DNAJC17: variants seen among roughly 807,000 people sequenced by gnomAD.
DNAJC17 encodes dnaJ homolog subfamily C member 17.
Under a neutral mutation model 48.1 loss-of-function variants are expected in DNAJC17, and 35 were observed. The observed-to-expected ratio is 0.73, with a 90% CI of 0.56 to 0.96. The LOEUF (loss-of-function observed/expected upper bound fraction) is 0.96, where lower values mean the gene tolerates loss of function less well. DNAJC17 is among the 50% of genes least tolerant of loss of function. The pLI is 0.00. For synonymous variants in DNAJC17, 117 were observed against 142.7 expected, an observed-to-expected ratio of 0.82 and a Z score of 1.28; for missense variants, 355 against 377.1, an observed-to-expected ratio of 0.94 and a Z score of 0.48.
At chr15:40,780,721 G>A (rs1236826601) in intron 1 of DNAJC17, among the ~76,000 whole-genome samples, 3 of 151,790 alleles carry the variant, frequency 2.0e-5, no homozygotes, top group Non-Finnish European at 4.4e-5. Flanking sequence ...GGCTGAGGCA[G>A]GAGAATCGCT....
intron 1 of DNAJC17, among the ~76,000 whole-genome samples, chr15:40,785,302 A>C (rs962722663): frequency 2.2e-4 from 33 of 152,320 alleles, no homozygotes; most frequent in Middle Eastern, 3.4e-3. Context: ...AAGAAACAAA[A>C]ACAAAATTGT....
In DNAJC17 at chr15:40,776,192, G is replaced by A. The variant is rs1370376922; in HGVS notation, c.478+4C>T. 1.9e-6 allele frequency: 3 copies of A among 1,612,872 alleles called. No homozygotes were observed. The highest frequency in any genetic ancestry group is 4.5e-5 in the East Asian group (2 of 44,890). On this transcript the variant is annotated splice_donor_region_variant and intron_variant, in intron 6 of 10. Transcript: ENST00000220496. ...GGGAGATAGGCGGGGTGATAGACCT[G>A]CACCTCTCAACCTCTGGTCACGCTC... is the stretch of plus-strand genomic sequence containing the variant.
rs1889051193 is a variant in DNAJC17 at position 40,769,289 on chromosome 15, A to G, written c.793-1227T>C. Among the ~76,000 whole-genome samples, 1 of 152,198 alleles carries G rather than the reference A, an allele frequency of 6.6e-6. No homozygotes were observed. Among genetic ancestry groups the G allele is most frequent in the Non-Finnish European group, 1.5e-5 (1 of 68,016 alleles). ...GGACCCCAGAGGAAGCCCGGTAGCC[A>G]GAGGGGAAGGGCTGGAGCACAGCCA... On this transcript the variant is annotated intron_variant, in intron 10 of 10. Transcript: ENST00000220496. This position sits in a 1 kb window ranked among gnomAD's most constrained non-coding sequence, Gnocchi z 4.2.
In DNAJC17 at chr15:40,773,721, C is replaced by G. The variant is rs755451649; in HGVS notation, c.792+6G>C. ...GCGCCCAGCCGGGCGAGGCCTGACT[C>G]CTCACCTTTGACAGTCCTGAGTGGC... On this transcript the variant is annotated splice_donor_region_variant and intron_variant, in intron 10 of 10. Coordinates refer to ENST00000220496, the MANE Select transcript of DNAJC17 (RefSeq NM_018163.3). 1 of 1,611,914 alleles carries G rather than the reference C, an allele frequency of 6.2e-7. No homozygotes were observed. The highest frequency in any genetic ancestry group is 8.5e-7 in the Non-Finnish European group (1 of 1,179,010).
chr15:40,807,148 C>A (rs1483571038), intron 1 of DNAJC17: 2 of 1,165,152 alleles, frequency 1.7e-6, no homozygotes, highest in Non-Finnish European at 2.4e-6. Flanking sequence ...AGAGCACAGC[C>A]ACCCGGCGCG....
rs368691469 is a variant in DNAJC17, at chr15:40,770,755, G to T, written c.793-2693C>A. On this transcript the variant is annotated intron_variant, in intron 10 of 10. Transcript: ENST00000220496. The surrounding 1 kb of genome is among the most constrained non-coding windows in gnomAD (Gnocchi z 5.0). The stretch of plus-strand genomic sequence containing the variant: ...CCACCCAAGCCCCCACGCCTCTACC[G>T]AGAGAGCTCAAGCTGCCCCAACATC... 3 of 1,545,752 alleles carry T rather than the reference G, an allele frequency of 1.9e-6. No homozygotes were observed. In the South Asian group the frequency reaches 3.6e-5, roughly 18 times the overall value.
chr15:40,807,350 T>C lies in DNAJC17; in HGVS notation c.78+19A>G. Reference sequence around the variant, plus strand: ...CCGCCAGACCTCTCAAGATCAGCCTTCCTCGCCACCGTTCTCACCTCTTTG... The same window carrying C: ...CCGCCAGACCTCTCAAGATCAGCCTCCCTCGCCACCGTTCTCACCTCTTTG... On this transcript the variant is annotated intron_variant, in intron 1 of 10. Coordinates refer to ENST00000220496, the MANE Select transcript of DNAJC17 (RefSeq NM_018163.3). 1 of 1,614,212 alleles carries C rather than the reference T, an allele frequency of 6.2e-7. No individual in the cohort carries two copies.
intron 7 of DNAJC17, 106 bp downstream of exon 7, chr15:40,775,447 G>C: frequency 1.5e-6 from 2 of 1,306,898 alleles, no homozygotes; most frequent in Middle Eastern, 5.3e-4. Context: ...GCTCCACGCA[G>C]ATCCAGCAGC....
intron 1 of DNAJC17, 34 bp from the exon 2 acceptor site, chr15:40,780,031 C>T: frequency 2.5e-6 from 4 of 1,604,040 alleles, no homozygotes; most frequent in Non-Finnish European, 3.4e-6. Flanking sequence ...TGGCCATTCA[C>T]TCTCATCCCA....
At chr15:40,789,798 C>T (rs571790776) in intron 1 of DNAJC17, among the ~76,000 whole-genome samples, 4 of 145,616 alleles carry the variant, frequency 2.7e-5, no homozygotes, top group African/African-American at 5.1e-5. Context: ...TAGTTGATTT[C>T]GGAAGTCTGA....
At chr15:40,779,880 C>G (rs955215621) in intron 2 of DNAJC17, 48 bp downstream of exon 2, 7 of 1,583,328 alleles carry the variant, frequency 4.4e-6, no homozygotes, top group Non-Finnish European at 1.7e-6. Flanking sequence ...AAACACAATG[C>G]CCGGGTGAGT....
chr15:40,767,092 C>T lies in DNAJC17; in HGVS notation c.*848G>A, dbSNP rs73398512. The T allele has an allele frequency of 1.7e-5, 15 of 871,294 alleles. No homozygotes were observed. The East Asian group carries it at 3.9e-4, about 22-fold the overall frequency. The allele number at this position is 871,294 out of a possible 1,614,324, so 54.0% of individuals were successfully genotyped here. On this transcript the variant is annotated 3_prime_UTR_variant, in exon 11 of 11. Transcript: ENST00000220496. ...GGAGGAGGCAGGGGGCGTGCACTTA[C>T]CCCAGCGCCCAGCAAGCAGCCAGCA...
chr15:40,798,642 G>A (rs1055751261), intron 1 of DNAJC17, among the ~76,000 whole-genome samples: 19 of 152,162 alleles, frequency 1.2e-4, no homozygotes, highest in African/African-American at 4.3e-4. Context: ...CGTGGGCCAG[G>A]GGAAGGACTT....
chr15:40,794,095 C>G (rs1566829149), intron 1 of DNAJC17, among the ~76,000 whole-genome samples: 3 of 152,064 alleles, frequency 2.0e-5, no homozygotes, highest in Non-Finnish European at 4.4e-5. Flanking sequence ...CTGTTACTTT[C>G]AATCCCAGCA....
intron 1 of DNAJC17, among the ~76,000 whole-genome samples, chr15:40,780,940 A>T (rs1263851982): frequency 6.6e-6 from 1 of 151,902 alleles, no homozygotes; most frequent in Non-Finnish European, 1.5e-5. Context: ...TGAGGTCAGG[A>T]GTAGGAGACC....
rs1264407008 is a variant in DNAJC17, at chr15:40,767,206, C to CG, written c.*733_*734insC. The CG allele has an allele frequency of 1.3e-6, 2 of 1,486,708 alleles. No homozygotes were observed. The highest frequency in any genetic ancestry group is 2.9e-5 in the African/African-American group (2 of 69,192). 92.1% of individuals were successfully genotyped at this position (1,486,708 alleles called of 1,614,324 possible). A position where few individuals can be genotyped will look rare whatever the true frequency, so the allele number is the denominator to read the frequency against. ...TTGCTGTGTGCCCCTCCTCACCCCC[C>CG]CCATCCTGTCTCTTTGCAGTTATGA... is the stretch of plus-strand genomic sequence containing the variant. On this transcript the variant is annotated 3_prime_UTR_variant, in exon 11 of 11. Coordinates refer to ENST00000220496, the MANE Select transcript of DNAJC17 (RefSeq NM_018163.3).
chr15:40,788,344 C>G (rs1889696705), intron 1 of DNAJC17, among the ~76,000 whole-genome samples: 1 of 152,008 alleles, frequency 6.6e-6, no homozygotes, highest in South Asian at 2.1e-4. Flanking sequence ...AAGAGGATCG[C>G]CTGAAGCCAG....
intron 1 of DNAJC17, among the ~76,000 whole-genome samples, chr15:40,806,035 T>C (rs1175038497): frequency 6.6e-6 from 1 of 151,930 alleles, no homozygotes; most frequent in Non-Finnish European, 1.5e-5. Flanking sequence ...AGACATCCCA[T>C]GGCCATTTCT....
chr15:40,773,878 C>G, intron 9 of DNAJC17, 41 bp from the exon 10 acceptor site: 1 of 1,570,626 alleles, frequency 6.4e-7, no homozygotes, highest in Non-Finnish European at 8.7e-7. Flanking sequence ...TCCGTTGAGT[C>G]AGCTATAAAG....
Sources: gnomAD v4.1 joint callset for allele counts (sites outside exome capture counted in the v4.1 genomes callset) on GRCh38, gnomAD v4.1.1 for gene constraint, Gnocchi (gnomAD v3.1) non-coding constraint, MANE v1.5 for transcripts, NCBI Gene and HGNC (gene_info 2026-07-23, HGNC 2026-07-21) for gene names.